The following ADAMTS2 variants were observed in gnomAD, a reference collection of about 807,000 sequenced individuals.
ADAMTS2 encodes A disintegrin and metalloproteinase with thrombospondin motifs 2.
Under a neutral mutation model 123.0 loss-of-function variants are expected in ADAMTS2, and 50 were observed. The ratio of observed to expected loss-of-function variants is 0.41; its 90% CI spans 0.32 to 0.51. The LOEUF (loss-of-function observed/expected upper bound fraction) is 0.51, where lower values mean the gene tolerates loss of function less well. ADAMTS2 is among the 20% of genes least tolerant of loss of function. The probability of loss-of-function intolerance (pLI) is 0.35; values close to 1 mark genes in which losing one functional copy is unlikely to be tolerated. For missense variants in ADAMTS2, 1,494 were observed against 1,705.2 expected, an observed-to-expected ratio of 0.88 and a Z score of 2.18; for synonymous variants, 678 against 695.4, an observed-to-expected ratio of 0.98 and a Z score of 0.39.
At chr5:179,223,450 G>A (rs186127171) in intron 3 of ADAMTS2, among the ~76,000 whole-genome samples, 17 of 139,164 alleles carry the variant, frequency 1.2e-4, no homozygotes, top group Admixed American at 3.6e-4. Context: ...ACTCACACAC[G>A]CACACTCACA....
intron 4 of ADAMTS2, among the ~76,000 whole-genome samples, chr5:179,187,692 G>C (rs252070): frequency 6.6e-6 from 1 of 151,916 alleles, no homozygotes; most frequent in Non-Finnish European, 1.5e-5. Flanking sequence ...CAGGTTGCAG[G>C]GGGAGGGGAA....
intron 3 of ADAMTS2, among the ~76,000 whole-genome samples, chr5:179,209,793 C>CT (rs1163600696): frequency 6.6e-6 from 1 of 152,176 alleles, no homozygotes; most frequent in Admixed American, 6.5e-5. Flanking sequence ...AATCGCCACT[C>CT]TATTTTTGTA....
chr5:179,194,346 C>T (rs546294622), intron 4 of ADAMTS2, among the ~76,000 whole-genome samples: 1 of 152,340 alleles, frequency 6.6e-6, no homozygotes, highest in South Asian at 2.1e-4. Flanking sequence ...TCCCTGCGGT[C>T]TGGATCCCGT....
chr5:179,337,273 G>A (rs1243388120), intron 2 of ADAMTS2, among the ~76,000 whole-genome samples: 2 of 152,008 alleles, frequency 1.3e-5, no homozygotes, highest in African/African-American at 4.8e-5. Flanking sequence ...CCCCACTTAA[G>A]GCCCCTCTTC....
At chr5:179,299,676 GT>G (rs968517295) in intron 2 of ADAMTS2, among the ~76,000 whole-genome samples, 2 of 151,928 alleles carry the variant, frequency 1.3e-5, no homozygotes, top group African/African-American at 2.4e-5. Flanking sequence ...ATGTTTCCTT[GT>G]TTTTTTCCAG....
chr5:179,273,131 G>A, intron 2 of ADAMTS2, 67 bp from the exon 3 acceptor site: 4 of 1,609,830 alleles, frequency 2.5e-6, no homozygotes, highest in Non-Finnish European at 3.4e-6. Flanking sequence ...GAACAGCGAG[G>A]AGACCCCCTC....
Position 179,234,912 on chromosome 5 carries a change from G to A in ADAMTS2, c.689-27197C>T, listed in dbSNP as rs113526426. On this transcript the variant is annotated intron_variant, in intron 3 of 21. Transcript: ENST00000251582. This position sits in a 1 kb window ranked among gnomAD's most constrained non-coding sequence, Gnocchi z 4.7. Reference sequence around the variant, plus strand: ...GCCTAGCAGACCCGTGCGGGAGTGCGAGCACACTGGCTAGGGCCTCCTGAT... The same window carrying A: ...GCCTAGCAGACCCGTGCGGGAGTGCAAGCACACTGGCTAGGGCCTCCTGAT... 4.3e-3 allele frequency among the ~76,000 whole-genome samples: 658 copies of A among 152,246 alleles called. 4 individuals are homozygous for A. The highest frequency in any genetic ancestry group is 0.015 in the African/African-American group (616 of 41,542).
At chr5:179,223,673 T>G (rs1581202338) in intron 3 of ADAMTS2, among the ~76,000 whole-genome samples, 1 of 139,790 alleles carries the variant, frequency 7.2e-6, no homozygotes, top group Non-Finnish European at 1.6e-5. Flanking sequence ...CACTCACACA[T>G]GAATGCACTC....
intron 2 of ADAMTS2, among the ~76,000 whole-genome samples, chr5:179,301,767 C>A (rs1303604093): frequency 2.0e-5 from 3 of 152,276 alleles, no homozygotes; most frequent in African/African-American, 7.2e-5. Flanking sequence ...GGAAAAGACA[C>A]AAATGAGGGC....
intron 10 of ADAMTS2, chr5:179,150,975 C>T (rs1763345228): frequency 1.1e-5 from 2 of 188,742 alleles, no homozygotes; most frequent in Middle Eastern, 4.7e-3. Context: ...TGGCTCACCG[C>T]AACCTCCGCC....
At chr5:179,268,965 G>A (rs1766449428) in intron 3 of ADAMTS2, among the ~76,000 whole-genome samples, 1 of 152,204 alleles carries the variant, frequency 6.6e-6, no homozygotes, top group Admixed American at 6.5e-5. Flanking sequence ...CCTTCTATGG[G>A]AAGAAAGGGC....
At chr5:179,121,533 C>A in intron 21 of ADAMTS2, 128 bp downstream of exon 21, 1 of 739,668 alleles carries the variant, frequency 1.4e-6, no homozygotes, top group Non-Finnish European at 2.1e-6. Flanking sequence ...AAAACGGTCA[C>A]CCCAGAGCGC....
intron 5 of ADAMTS2, among the ~76,000 whole-genome samples, chr5:179,172,965 G>A (rs1361627998): frequency 6.6e-6 from 1 of 151,892 alleles, no homozygotes; most frequent in East Asian, 1.9e-4. Context: ...AGTGCTATGG[G>A]AGGCAGAGGC....
rs539570647 is a variant in ADAMTS2, at chr5:179,339,123, T to C, written c.534+4644A>G. Among the ~76,000 whole-genome samples the C allele has an allele frequency of 2.0e-5, 3 of 152,332 alleles. No homozygotes were observed. The East Asian group carries it at 5.8e-4, about 29-fold the overall frequency. On this transcript the variant is annotated intron_variant, in intron 2 of 21. Transcript: ENST00000251582. ...ACAATTCTCCTCCCTTCTTGTATGA[T>C]AGGCCCCTCTTCATTCCAGAGTTTG...
In ADAMTS2 at chr5:179,333,596, G is replaced by GTTTTTTTTTTTT. The variant is rs1219136980; in HGVS notation, c.534+10159_534+10170dup. Among the ~76,000 whole-genome samples, 46 of 105,934 alleles carry GTTTTTTTTTTTT rather than the reference G, an allele frequency of 4.3e-4. 2 individuals carry two copies. The highest frequency in any genetic ancestry group is 5.6e-4 in the Admixed American group (5 of 8,870). 69.5% of individuals were successfully genotyped at this position (105,934 alleles called of 152,430 possible). A position where few individuals can be genotyped will look rare whatever the true frequency, so the allele number is the denominator to read the frequency against. On this transcript the variant is annotated intron_variant, in intron 2 of 21. Transcript: ENST00000251582. Reference sequence around the variant, plus strand: ...CAAGCCACAGATTTGGTTTTTTTCTGTTTTTTTTTTTTTTTTTTTTTTTAG... The same window carrying GTTTTTTTTTTTT: ...CAAGCCACAGATTTGGTTTTTTTCTGTTTTTTTTTTTTTTTTTTTTTTTTTTTTTTTTTTTAG...
intron 11 of ADAMTS2, among the ~76,000 whole-genome samples, chr5:179,138,816 C>T (rs950742603): frequency 1.3e-5 from 2 of 152,182 alleles, no homozygotes; most frequent in Admixed American, 6.5e-5. Context: ...GGGTCCAGCT[C>T]GGGCCTGGCC....
Position 179,125,217 on chromosome 5 carries a change from A to G in ADAMTS2, c.2751-37T>C, listed in dbSNP as rs762042260. The G allele has an allele frequency of 3.1e-6, 5 of 1,598,392 alleles. No homozygotes were observed. The African/African-American group carries it at 6.7e-5, about 21-fold the overall frequency. ...GAGCGGGGCACAGTCAGGCTTCCGC[A>G]GCACCTGGAGAACCTGCCTGGCTGA... On this transcript the variant is annotated intron_variant, in intron 18 of 21. Coordinates refer to ENST00000251582, the MANE Select transcript of ADAMTS2 (RefSeq NM_014244.5).
intron 3 of ADAMTS2, among the ~76,000 whole-genome samples, chr5:179,257,855 G>C (rs1414946175): frequency 1.3e-5 from 2 of 152,142 alleles, no homozygotes; most frequent in African/African-American, 4.8e-5. Flanking sequence ...CCCTTACACG[G>C]CTTTCACAAA....
At chr5:179,323,300 G>A (rs1043984891) in intron 2 of ADAMTS2, among the ~76,000 whole-genome samples, 1 of 152,248 alleles carries the variant, frequency 6.6e-6, no homozygotes, top group African/African-American at 2.4e-5. Flanking sequence ...GGGCCCCAGG[G>A]GCAGCAGTCC....
Sources: allele counts gnomAD v4.1 joint callset (sites outside exome capture counted in the v4.1 genomes callset), GRCh38; gene constraint gnomAD v4.1.1; non-coding constraint Gnocchi (gnomAD v3.1); transcripts MANE v1.5; gene names NCBI Gene and HGNC (gene_info 2026-07-23, HGNC 2026-07-21).